Variants in FTO observed in about 807,000 individuals in gnomAD.
The protein encoded by FTO is alpha-ketoglutarate-dependent dioxygenase FTO.
Under a neutral mutation model 63.9 loss-of-function variants are expected in FTO, and 47 were observed. That is an observed-to-expected ratio of 0.74 (90% CI 0.58 to 0.94). The LOEUF (loss-of-function observed/expected upper bound fraction) is 0.94. Ranked by LOEUF, FTO falls within the 40% of genes least tolerant of loss-of-function variation. The pLI is 0.00. For synonymous variants in FTO, 207 were observed against 224.4 expected (o/e 0.92, Z 0.69); for missense variants, 562 against 618.1 (o/e 0.91, Z 0.96).
chr16:53,926,369 C>T (rs947032386), intron 7 of FTO, among the ~76,000 whole-genome samples: 9 of 152,324 alleles, frequency 5.9e-5, no homozygotes, highest in African/African-American at 2.2e-4. Flanking sequence ...TAGCTTCACT[C>T]CCCAGACATG....
rs2081065169 is a variant in FTO at position 53,888,456 on chromosome 16, TA to T, written c.1120-374del. The stretch of plus-strand genomic sequence containing the variant: ...ATTAGTAGCTTGGCCAATTTATTTT[TA>T]ATTGTTTTATTAGTAGCTTGGCCAA... On this transcript the variant is annotated intron_variant, in intron 6 of 8. Coordinates refer to ENST00000471389, the MANE Select transcript of FTO (RefSeq NM_001080432.3). Among the ~76,000 whole-genome samples the T allele has an allele frequency of 3.7e-5, 3 of 80,122 alleles. No individual in the cohort carries two copies. The Admixed American group carries it at 4.7e-4, about 12-fold the overall frequency. The allele number at this position is 80,122 out of a possible 152,430, so 52.6% of individuals were successfully genotyped here. A position where few individuals can be genotyped will look rare whatever the true frequency, so the allele number is the denominator to read the frequency against.
intron 4 of FTO, among the ~76,000 whole-genome samples, chr16:53,855,186 TG>T (rs1239693039): frequency 6.6e-6 from 1 of 152,158 alleles, no homozygotes; most frequent in Non-Finnish European, 1.5e-5. Flanking sequence ...TAGGAGTCCT[TG>T]GAAGTGTTGT....
chr16:54,069,028 A>G (rs1421764984), intron 8 of FTO, among the ~76,000 whole-genome samples: 1 of 152,200 alleles, frequency 6.6e-6, no homozygotes. Flanking sequence ...TACCCAAGAA[A>G]ACGAAAGCAT....
At chr16:54,103,515 GAACAGAGGC>G (rs2086684557) in intron 8 of FTO, among the ~76,000 whole-genome samples, 2 of 152,200 alleles carry the variant, frequency 1.3e-5, no homozygotes, top group African/African-American at 2.4e-5. Context: ...TTAACGTGGG[GAACAGAGGC>G]AAGAGGTTAA....
intron 8 of FTO, among the ~76,000 whole-genome samples, chr16:54,008,711 G>A (rs902527188): frequency 2.0e-5 from 3 of 151,208 alleles, no homozygotes; most frequent in South Asian, 2.1e-4. Context: ...TACCCACTCC[G>A]GCATCCACAC....
At chr16:54,067,372 A>G (rs1451000286) in intron 8 of FTO, among the ~76,000 whole-genome samples, 4 of 152,212 alleles carry the variant, frequency 2.6e-5, no homozygotes, top group Non-Finnish European at 2.9e-5. Flanking sequence ...TAAGCTAGCT[A>G]TTGCTGGAGA....
intron 5 of FTO, 85 bp from the exon 6 acceptor site, chr16:53,879,759 G>A: frequency 6.6e-7 from 1 of 1,512,146 alleles, no homozygotes. Flanking sequence ...TCACAGCCAG[G>A]GACAAATATG....
intron 8 of FTO, among the ~76,000 whole-genome samples, chr16:54,074,895 GGAGA>G (rs71380061): frequency 0.026 from 3,725 of 141,802 alleles, 98 homozygotes; most frequent in African/African-American, 0.066. Flanking sequence ...CTGGAAAGAG[GGAGA>G]GAGAGAGAGA....
intron 1 of FTO, among the ~76,000 whole-genome samples, chr16:53,776,432 G>C (rs1036658641): frequency 2.0e-5 from 3 of 152,156 alleles, no homozygotes; most frequent in African/African-American, 7.2e-5. Context: ...TGTGTGAGAA[G>C]GCAGCTATTA....
intron 8 of FTO, among the ~76,000 whole-genome samples, chr16:54,055,259 A>G (rs368345837): frequency 1.3e-5 from 2 of 152,322 alleles, no homozygotes; most frequent in South Asian, 2.1e-4. Context: ...CAGCATATTC[A>G]TTTCATTAGA....
chr16:53,728,992 G>A (rs1348345511), intron 1 of FTO, among the ~76,000 whole-genome samples: 1 of 150,688 alleles, frequency 6.6e-6, no homozygotes, highest in African/African-American at 2.4e-5. Context: ...TCGAACTCCC[G>A]ACCTCAAGTG....
At chr16:53,825,223 T>C (rs1048109761) in intron 2 of FTO, among the ~76,000 whole-genome samples, 3 of 152,182 alleles carry the variant, frequency 2.0e-5, no homozygotes, top group African/African-American at 7.2e-5. Context: ...GTTCTCTTTT[T>C]GTGAAAGTGT....
chr16:53,916,795 C>T (rs2081879275), intron 7 of FTO, among the ~76,000 whole-genome samples: 1 of 152,180 alleles, frequency 6.6e-6, no homozygotes, highest in South Asian at 2.1e-4. Context: ...TGAAAATAGC[C>T]TTAAATCATT....
At chr16:53,903,345 G>A (rs2081452095) in intron 7 of FTO, among the ~76,000 whole-genome samples, 1 of 148,744 alleles carries the variant, frequency 6.7e-6, no homozygotes, top group South Asian at 2.1e-4. Context: ...TGCAACCTTT[G>A]CCTCCTGGGT....
chr16:54,093,668 G>A (rs1232858850), intron 8 of FTO, among the ~76,000 whole-genome samples: 4 of 152,204 alleles, frequency 2.6e-5, no homozygotes, highest in Non-Finnish European at 5.9e-5. Context: ...TTCTGCACAA[G>A]CAGATGTCGT....
chr16:53,990,269 A>G (rs1054215974), intron 8 of FTO, among the ~76,000 whole-genome samples: 2 of 152,170 alleles, frequency 1.3e-5, no homozygotes, highest in African/African-American at 4.8e-5. Context: ...AATAAATACC[A>G]CTTAGTAGCC....
At chr16:53,937,441 G>A (rs750247806) in intron 8 of FTO, 3 of 393,434 alleles carry the variant, frequency 7.6e-6, no homozygotes, top group Non-Finnish European at 9.0e-6. Flanking sequence ...GTAGCCCAAA[G>A]GTCAGTCTGC....
chr16:54,096,537 G>A (rs1220572691), intron 8 of FTO, among the ~76,000 whole-genome samples: 1 of 152,206 alleles, frequency 6.6e-6, no homozygotes, highest in Non-Finnish European at 1.5e-5. Flanking sequence ...GTTCTTTGGC[G>A]AGAGTGAAAT....
chr16:53,770,788 TATC>T (rs1346203656), intron 1 of FTO, among the ~76,000 whole-genome samples: 1 of 152,146 alleles, frequency 6.6e-6, no homozygotes, highest in African/African-American at 2.4e-5. Flanking sequence ...TTTTTTCAGT[TATC>T]ATGTTTGAAG....
Sources: allele counts gnomAD v4.1 joint callset (sites outside exome capture counted in the v4.1 genomes callset), GRCh38; gene constraint gnomAD v4.1.1; transcripts MANE v1.5; gene names NCBI Gene and HGNC (gene_info 2026-07-23, HGNC 2026-07-21).